Variants in LATS2 observed in about 807,000 individuals in gnomAD.
LATS2 encodes serine/threonine-protein kinase LATS2.
Under a neutral mutation model 76.0 loss-of-function variants are expected in LATS2, and 24 were observed. The ratio of observed to expected loss-of-function variants is 0.32; its 90% CI spans 0.23 to 0.44. LATS2 has a LOEUF of 0.44. Ranked by LOEUF, LATS2 falls within the 20% of genes least tolerant of loss-of-function variation. LATS2 has a pLI of 1.00. For missense variants in LATS2, 1,286 were observed against 1,481.2 expected (o/e 0.87, Z 2.16); for synonymous variants, 692 against 635.4 (o/e 1.09, Z -1.34).
chr13:21,044,696 GTGT>G (rs1872998523), intron 2 of LATS2, among the ~76,000 whole-genome samples: 1 of 10,952 alleles, frequency 9.1e-5, no homozygotes, highest in Non-Finnish European at 2.5e-4. Context: ...AGGGGTGTGT[GTGT>G]GTGTGTGTGT....
intron 2 of LATS2, among the ~76,000 whole-genome samples, chr13:21,026,457 T>C (rs1237018504): frequency 6.6e-6 from 1 of 152,204 alleles, no homozygotes; most frequent in Non-Finnish European, 1.5e-5. Context: ...TTTCTTTGTT[T>C]TGGTTGGTAG....
rs1350013239 is a variant in LATS2, at chr13:21,023,665, AAAAAAAAAAAAAAAAAAAC to A, written c.342+22001_342+22019del. The stretch of plus-strand genomic sequence containing the variant: ...TGGCTTTAAAAAAAAAAAAAAAAAA[AAAAAAAAAAAAAAAAAAAC>A]AAACCTCGGCCGGGCGCAGTGGCTG... On this transcript the variant is annotated intron_variant, in intron 2 of 7. Transcript: ENST00000382592. Among the ~76,000 whole-genome samples the A allele has an allele frequency of 1.0e-3, 105 of 101,030 alleles. 3 individuals carry two copies. The highest frequency in any genetic ancestry group is 2.5e-3 in the African/African-American group (74 of 30,072). The allele number at this position is 101,030 out of a possible 152,430, so 66.3% of individuals were successfully genotyped here.
intron 2 of LATS2, among the ~76,000 whole-genome samples, chr13:21,019,307 A>C (rs1165888329): frequency 5.3e-5 from 4 of 75,424 alleles, no homozygotes; most frequent in African/African-American, 2.2e-4. Context: ...TGTTATTATT[A>C]TTATTATTAT....
intron 2 of LATS2, among the ~76,000 whole-genome samples, chr13:21,002,574 C>T (rs1246739094): frequency 1.3e-5 from 2 of 151,998 alleles, no homozygotes; most frequent in South Asian, 2.1e-4. Flanking sequence ...GATGGGGTTT[C>T]GCCATGTTGC....
In LATS2 at chr13:20,975,039, G is replaced by C; in HGVS notation, c.3098C>G (p.Pro1033Arg). 6.2e-7 allele frequency: 1 copy of C among 1,614,242 alleles called. No individual in the cohort carries two copies. Among genetic ancestry groups the C allele is most frequent in the Non-Finnish European group, 8.5e-7 (1 of 1,180,048 alleles). The change falls in exon 8 of 8, where the codon CCT becomes CGT. Residue 1033 changes from proline (P) to arginine (R), a missense_variant. Coordinates refer to ENST00000382592, the MANE Select transcript of LATS2 (RefSeq NM_014572.3). The stretch of plus-strand genomic sequence containing the variant: ...GGTGAATTCGTAAAATGCGTGCTCA[G>C]GATGCTTGTTATTGGGCGAGGTGAG... ...DTLTSPNNKHPEHAFYEFTFR... is the reference protein window; with the variant it reads ...DTLTSPNNKHREHAFYEFTFR...
At chr13:20,992,315 G>T (rs890119760) in intron 2 of LATS2, among the ~76,000 whole-genome samples, 2 of 152,212 alleles carry the variant, frequency 1.3e-5, no homozygotes, top group African/African-American at 4.8e-5. Context: ...GCTCCTGTCT[G>T]CAGGCATTCG....
chr13:20,981,705 C>CAATA, intron 5 of LATS2, 57 bp from the exon 6 acceptor site: 2 of 1,429,468 alleles, frequency 1.4e-6, no homozygotes, highest in Non-Finnish European at 1.9e-6. Context: ...AGTGAATTTT[C>CAATA]ACTCTTCAAT....
Position 21,010,201 on chromosome 13 carries a change from A to AAAAC in LATS2, c.343-18801_343-18798dup, listed in dbSNP as rs56383441. ...GGCCATGGAGCTAGACTCTGTCAAAAAAACAAACAAACAAACAAACAAAAA... is the reference window on the plus strand; with the variant it reads ...GGCCATGGAGCTAGACTCTGTCAAAAAAACAAACAAACAAACAAACAAACAAAAA... On this transcript the variant is annotated intron_variant, in intron 2 of 7. Transcript: ENST00000382592. 0.011 allele frequency among the ~76,000 whole-genome samples: 1,715 copies of AAAAC among 150,708 alleles called. 57 individuals carry two copies. In the East Asian group the frequency reaches 0.12, roughly 10 times the overall value.
At chr13:21,040,647 TAGAGGGGAGCA>T (rs375438520) in intron 2 of LATS2, among the ~76,000 whole-genome samples, 75 of 152,072 alleles carry the variant, frequency 4.9e-4, no homozygotes, top group Non-Finnish European at 9.7e-4. Flanking sequence ...AGCTCCTCTG[TAGAGGGGAGCA>T]TGTGGGGAGG....
Position 20,981,521 on chromosome 13 carries a change from T to G in LATS2, c.2610A>C (p.Ala870=), listed in dbSNP as rs773426949. Reference sequence around the variant, plus strand: ...AGTTTGGAGTCCCCACCAGTGAATGTGCCAGGCACCTCTGGTGCTGCTTCC... The same window carrying G: ...AGTTTGGAGTCCCCACCAGTGAATGGGCCAGGCACCTCTGGTGCTGCTTCC... ...RARKQHQRCL[A]HSLVGTPNYI... is the part of the protein sequence containing the mutation. Residue 870 remains alanine (A), a synonymous_variant, in exon 6 of 8, where the codon GCA becomes GCC. Coordinates refer to ENST00000382592, the MANE Select transcript of LATS2 (RefSeq NM_014572.3). 9 of 1,614,192 alleles carry G rather than the reference T, an allele frequency of 5.6e-6. No individual in the cohort carries two copies. Among genetic ancestry groups the G allele is most frequent in the Non-Finnish European group, 7.6e-6 (9 of 1,180,032 alleles).
At chr13:21,016,440 T>C (rs774784195) in intron 2 of LATS2, among the ~76,000 whole-genome samples, 8 of 151,788 alleles carry the variant, frequency 5.3e-5, no homozygotes, top group Non-Finnish European at 1.0e-4. Context: ...CATACCACCA[T>C]GCCTAATTTT....
intron 2 of LATS2, among the ~76,000 whole-genome samples, chr13:21,021,316 T>C (rs1035598235): frequency 6.6e-6 from 1 of 151,220 alleles, no homozygotes; most frequent in Non-Finnish European, 1.5e-5. Context: ...CTACTAAAAA[T>C]AGGAAAATTA....
At chr13:20,975,411 G>C in intron 7 of LATS2, 47 bp from the exon 8 acceptor site, 1 of 1,512,864 alleles carries the variant, frequency 6.6e-7, no homozygotes, top group Non-Finnish European at 8.8e-7. Flanking sequence ...TCACATCTTG[G>C]GCAGTTCTGG....
intron 2 of LATS2, among the ~76,000 whole-genome samples, chr13:21,027,430 C>T (rs1229184632): frequency 6.6e-6 from 1 of 152,182 alleles, no homozygotes; most frequent in Non-Finnish European, 1.5e-5. Context: ...TCAGACTATC[C>T]AATTGTCTCA....
In LATS2 at chr13:20,973,229, GC is replaced by G; in HGVS notation, c.*1640del. ...ACTGACAGTCACGACGACAGGCACA[GC>G]AGACTTGAGTATGCCACTCACACAA... On this transcript the variant is annotated 3_prime_UTR_variant, in exon 8 of 8. Coordinates refer to ENST00000382592, the MANE Select transcript of LATS2 (RefSeq NM_014572.3). The G allele has an allele frequency of 1.3e-5, 3 of 232,348 alleles. No homozygotes were observed. The East Asian group carries it at 1.8e-4, about 14-fold the overall frequency. The allele number at this position is 232,348 out of a possible 1,614,324, so 14.4% of individuals were successfully genotyped here.
At chr13:21,049,171 G>A (rs540913488) in intron 1 of LATS2, among the ~76,000 whole-genome samples, 120 of 152,290 alleles carry the variant, frequency 7.9e-4, no homozygotes, top group Non-Finnish European at 6.8e-4. Context: ...CAAAGGACTC[G>A]GGGGTAGTGG....
chr13:21,009,471 G>A (rs1871487794), intron 2 of LATS2, among the ~76,000 whole-genome samples: 1 of 152,168 alleles, frequency 6.6e-6, no homozygotes, highest in Non-Finnish European at 1.5e-5. Flanking sequence ...TCATGTCTGG[G>A]AATTTATACT....
rs1869987366 is a variant in LATS2, at chr13:20,983,368, C to T, written c.2338G>A (p.Glu780Lys). Residue 780 changes from glutamate (E) to lysine (K), a missense_variant, in exon 5 of 8, where the codon GAG becomes AAG. Glu to Lys is a moderately conservative substitution (Grantham distance 56). Coordinates refer to ENST00000382592, the MANE Select transcript of LATS2 (RefSeq NM_014572.3). ...FYIAELTLAI[E>K]SVHKMGFIHR... ...ATGAAGCCCATCTTGTGGACACTCT[C>T]AATGGCCAAAGTCAGCTCTGCGATG... 1 of 1,614,036 alleles carries T rather than the reference C, an allele frequency of 6.2e-7. No individual in the cohort carries two copies. Among genetic ancestry groups the T allele is most frequent in the Non-Finnish European group, 8.5e-7 (1 of 1,180,016 alleles).
At chr13:20,976,605 C>A (rs1454999407) in intron 7 of LATS2, among the ~76,000 whole-genome samples, 2 of 151,826 alleles carry the variant, frequency 1.3e-5, no homozygotes, top group East Asian at 3.9e-4. Flanking sequence ...ATAACAAAAC[C>A]AAATAAGTTG....
Sources: allele counts gnomAD v4.1 joint callset (sites outside exome capture counted in the v4.1 genomes callset), GRCh38; gene constraint gnomAD v4.1.1; transcripts MANE v1.5; gene names NCBI Gene and HGNC (gene_info 2026-07-23, HGNC 2026-07-21).